The following KCNIP4 variants were observed in gnomAD, a reference collection of about 807,000 sequenced individuals.
KCNIP4 encodes the protein potassium voltage-gated channel interacting protein 4, also known as Kv channel-interacting protein 4.
A neutral mutation model predicts 34.0 loss-of-function variants in KCNIP4; 12 were observed. That is an observed-to-expected ratio of 0.35 (90% CI 0.23 to 0.57). KCNIP4 has a LOEUF of 0.57. KCNIP4 is among the 20% of genes least tolerant of loss of function. KCNIP4 has a pLI of 0.83. For synonymous variants in KCNIP4, 124 were observed against 102.2 expected (o/e 1.21, Z -1.29); for missense variants, 238 against 311.7 (o/e 0.76, Z 1.78).
At chr4:21,047,327 A>G (rs1742521562) in intron 1 of KCNIP4, among the ~76,000 whole-genome samples, 1 of 152,150 alleles carries the variant, frequency 6.6e-6, no homozygotes. Flanking sequence ...TTACCATATA[A>G]TGATTGGTAT....
chr4:21,440,586 A>G (rs1485528543), intron 1 of KCNIP4, among the ~76,000 whole-genome samples: 6 of 152,230 alleles, frequency 3.9e-5, no homozygotes, highest in African/African-American at 1.4e-4. Flanking sequence ...CTGCTAGGAA[A>G]AAAATTGGGC....
chr4:21,374,663 T>C (rs1720808638), intron 1 of KCNIP4, among the ~76,000 whole-genome samples: 1 of 147,754 alleles, frequency 6.8e-6, no homozygotes, highest in African/African-American at 2.7e-5. Context: ...TTTATTTTCA[T>C]CAATGGTTGG....
At chr4:21,364,106 T>C (rs1225481063) in intron 1 of KCNIP4, among the ~76,000 whole-genome samples, 1 of 152,202 alleles carries the variant, frequency 6.6e-6, no homozygotes, top group Non-Finnish European at 1.5e-5. Flanking sequence ...ACAATTCTCA[T>C]TGTTAACACT....
chr4:20,777,650 C>G (rs1756488529), intron 3 of KCNIP4, among the ~76,000 whole-genome samples: 1 of 152,112 alleles, frequency 6.6e-6, no homozygotes, highest in Non-Finnish European at 1.5e-5. Flanking sequence ...TTTCTGTTGT[C>G]TATAAGCCAC....
chr4:21,014,443 C>G (rs925767128), intron 1 of KCNIP4, among the ~76,000 whole-genome samples: 1 of 152,178 alleles, frequency 6.6e-6, no homozygotes, highest in Non-Finnish European at 1.5e-5. Context: ...TGGAAATGTA[C>G]CCCTATGCCT....
At chr4:21,111,010 C>G (rs146575382) in intron 1 of KCNIP4, among the ~76,000 whole-genome samples, 16 of 152,266 alleles carry the variant, frequency 1.1e-4, no homozygotes, top group African/African-American at 3.6e-4. Flanking sequence ...TTTATGTTTT[C>G]TCTCTATACA....
At chr4:21,494,483 C>T (rs1023400325) in intron 1 of KCNIP4, among the ~76,000 whole-genome samples, 7 of 151,572 alleles carry the variant, frequency 4.6e-5, no homozygotes, top group African/African-American at 1.7e-4. Flanking sequence ...TATAAAAATC[C>T]CTATTAAGGT....
intron 1 of KCNIP4, among the ~76,000 whole-genome samples, chr4:21,306,529 A>G (rs1383047631): frequency 6.6e-6 from 1 of 152,200 alleles, no homozygotes; most frequent in East Asian, 1.9e-4. Flanking sequence ...TGCATGGGCT[A>G]CCGCAACTGG....
intron 1 of KCNIP4, among the ~76,000 whole-genome samples, chr4:21,142,210 G>C (rs1752018492): frequency 6.6e-6 from 1 of 151,362 alleles, no homozygotes; most frequent in Non-Finnish European, 1.5e-5. Flanking sequence ...CAAAATCTAG[G>C]CTGCCCTGGG....
chr4:21,739,979 G>C (rs999396397), intron 1 of KCNIP4, among the ~76,000 whole-genome samples: 9 of 152,066 alleles, frequency 5.9e-5, no homozygotes, highest in Non-Finnish European at 8.8e-5. Flanking sequence ...AAAGCAATTG[G>C]TTTTAATCTC....
chr4:21,102,043 C>T (rs758028000), intron 1 of KCNIP4, among the ~76,000 whole-genome samples: 4 of 152,088 alleles, frequency 2.6e-5, no homozygotes, highest in Non-Finnish European at 5.9e-5. Flanking sequence ...TGGTGATTCA[C>T]CCTGCAATCC....
intron 1 of KCNIP4, among the ~76,000 whole-genome samples, chr4:20,931,812 A>G (rs926012356): frequency 1.3e-5 from 2 of 152,118 alleles, no homozygotes. Context: ...AGGTCAAAGT[A>G]TATGAAGTAG....
In KCNIP4 at chr4:20,729,375, A is replaced by AAATTAATTATT. The variant is rs145217467; in HGVS notation, c.*706_*707insAATAATTAATT. On this transcript the variant is annotated 3_prime_UTR_variant, in exon 9 of 9. Transcript: ENST00000382152. ...CTGTAAGAAAGATTGAACAAATCCA[A>AAATTAATTATT]AATTATTATATAGGCCTTGGCTGTA... is the stretch of plus-strand genomic sequence containing the variant. 7 of 152,490 alleles carry AAATTAATTATT rather than the reference A, an allele frequency of 4.6e-5. No homozygotes were observed. The highest frequency in any genetic ancestry group is 1.7e-4 in the African/African-American group (7 of 41,408). The allele number at this position is 152,490 out of a possible 1,614,324, so 9.4% of individuals were successfully genotyped here.
chr4:21,354,219 G>A (rs1396664103), intron 1 of KCNIP4, among the ~76,000 whole-genome samples: 2 of 152,124 alleles, frequency 1.3e-5, no homozygotes, highest in Non-Finnish European at 2.9e-5. Flanking sequence ...GACCATCGAT[G>A]CTATGAAGAA....
chr4:21,111,415 A>T (rs951602338), intron 1 of KCNIP4, among the ~76,000 whole-genome samples: 1 of 152,226 alleles, frequency 6.6e-6, no homozygotes, highest in African/African-American at 2.4e-5. Flanking sequence ...GAGCAATAGA[A>T]ATCCCAAACA....
intron 1 of KCNIP4, among the ~76,000 whole-genome samples, chr4:21,657,165 T>G (rs1390996343): frequency 6.6e-6 from 1 of 152,212 alleles, no homozygotes; most frequent in Non-Finnish European, 1.5e-5. Context: ...GAGAAAGCAC[T>G]ATTGAGACTT....
chr4:21,607,947 G>A (rs140095469), intron 1 of KCNIP4, among the ~76,000 whole-genome samples: 5 of 152,242 alleles, frequency 3.3e-5, no homozygotes, highest in East Asian at 3.9e-4. Context: ...GAGCTGAGAC[G>A]CTGCAGGTGA....
intron 1 of KCNIP4, among the ~76,000 whole-genome samples, chr4:21,353,734 A>T (rs571054671): frequency 6.6e-6 from 1 of 152,356 alleles, no homozygotes; most frequent in East Asian, 1.9e-4. Flanking sequence ...TCAGGATATT[A>T]TCCAGGAGAA....
chr4:21,768,236 C>G (rs1718553621), intron 1 of KCNIP4, among the ~76,000 whole-genome samples: 1 of 151,996 alleles, frequency 6.6e-6, no homozygotes, highest in Non-Finnish European at 1.5e-5. Context: ...CATCTTAACA[C>G]AAAAATCATC....
Sources: allele counts gnomAD v4.1 joint callset (sites outside exome capture counted in the v4.1 genomes callset), GRCh38; gene constraint gnomAD v4.1.1; transcripts MANE v1.5; gene names NCBI Gene and HGNC (gene_info 2026-07-23, HGNC 2026-07-21).